The following CABIN1 variants were observed in gnomAD, a reference collection of about 807,000 sequenced individuals.
CABIN1 encodes the protein calcineurin-binding protein cabin-1.
In CABIN1, 133 loss-of-function variants were observed where a neutral mutation model predicts 227.7. The ratio of observed to expected loss-of-function variants is 0.58; its 90% CI spans 0.51 to 0.67. The LOEUF (loss-of-function observed/expected upper bound fraction) is 0.67, where lower values mean the gene tolerates loss of function less well. Ranked by LOEUF, CABIN1 falls within the 30% of genes least tolerant of loss-of-function variation. The pLI is 0.00. For missense variants in CABIN1, 2,408 were observed against 2,852.5 expected, an observed-to-expected ratio of 0.84 and a Z score of 3.55; for synonymous variants, 1,086 against 1,155.1, an observed-to-expected ratio of 0.94 and a Z score of 1.21.
chr22:24,035,545 TG>T (rs1435545121), intron 2 of CABIN1, 25 bp downstream of exon 2: 1 of 1,614,008 alleles, frequency 6.2e-7, no homozygotes, highest in Non-Finnish European at 8.5e-7. Flanking sequence ...CTGCCTATTT[TG>T]CGGACCTCAG....
At chr22:24,102,684 G>A (rs867559425) in intron 26 of CABIN1, among the ~76,000 whole-genome samples, 2 of 152,146 alleles carry the variant, frequency 1.3e-5, no homozygotes, top group Non-Finnish European at 1.5e-5. Context: ...GGGGTGTGTC[G>A]GTGTTTCTCT....
intron 33 of CABIN1, among the ~76,000 whole-genome samples, chr22:24,169,582 C>A (rs1006741906): frequency 4.6e-5 from 7 of 152,216 alleles, no homozygotes; most frequent in African/African-American, 1.7e-4. Context: ...GCCCCAACCC[C>A]CAGCAGTCCC....
At chr22:24,040,647 A>C (rs2037292539) in intron 4 of CABIN1, among the ~76,000 whole-genome samples, 1 of 152,236 alleles carries the variant, frequency 6.6e-6, no homozygotes, top group Admixed American at 6.5e-5. Flanking sequence ...TCAGACACTA[A>C]CGTTTTAGTT....
chr22:24,102,587 G>A (rs1242195224), intron 26 of CABIN1, among the ~76,000 whole-genome samples: 1 of 152,200 alleles, frequency 6.6e-6, no homozygotes. Context: ...GCACCAGAGA[G>A]GTGGGGTTTG....
At chr22:24,048,971 CATT>C in intron 6 of CABIN1, 117 bp from the exon 7 acceptor site, 2 of 1,172,482 alleles carry the variant, frequency 1.7e-6, no homozygotes, top group Non-Finnish European at 2.5e-6. Flanking sequence ...AGTGGTATCT[CATT>C]ATTTTTTACC....
At position 24,171,972 on chromosome 22, in the gene CABIN1, C is replaced by T. The variant is rs200720834; in HGVS notation, c.6017C>T (p.Pro2006Leu). ...PPRPHRPEAT[P>L]SMASLGPEGE... The stretch of plus-strand genomic sequence containing the variant: ...CGGCCACACAGGCCTGAAGCTACCC[C>T]CAGCATGGCCTCTCTGGGCCCAGGT... The change falls in exon 34 of 37, where the codon CCC becomes CTC. Residue 2006 changes from proline to leucine, a missense_variant. Coordinates refer to ENST00000263119, the MANE Select transcript of CABIN1 (RefSeq NM_012295.4). 3 of 1,612,652 alleles carry T rather than the reference C, an allele frequency of 1.9e-6. No individual in the cohort carries two copies. Among genetic ancestry groups the T allele is most frequent in the East Asian group, 2.2e-5 (1 of 44,862 alleles).
chr22:24,147,331 TCCTCCCTCCCTC>T (rs1322089105), intron 29 of CABIN1, among the ~76,000 whole-genome samples: 1 of 58,600 alleles, frequency 1.7e-5, no homozygotes, highest in Admixed American at 1.8e-4. Flanking sequence ...CTCCCTCCTC[TCCTCCCTCCCTC>T]CCTGCCTCCC....
Position 24,165,570 on chromosome 22 carries a change from C to T in CABIN1, c.4951C>T (p.Arg1651Trp), listed in dbSNP as rs780830283. Reference sequence around the variant, plus strand: ...TGCTGACCGCCAGGTCCTGGCGCAGCGGGCCTTCATCCTCACTGTGAAGGT... The same window carrying T: ...TGCTGACCGCCAGGTCCTGGCGCAGTGGGCCTTCATCCTCACTGTGAAGGT... ...RDADRQVLAQ[R>W]AFILTVKVLE... The change falls in exon 31 of 37, where the codon CGG becomes TGG. Residue 1651 changes from arginine (R) to tryptophan (W), a missense_variant. By Grantham distance (101) the Arg-to-Trp change is moderately radical. Transcript: ENST00000263119. The T allele has an allele frequency of 2.5e-6, 4 of 1,613,164 alleles. No homozygotes were observed. The highest frequency in any genetic ancestry group is 1.7e-5 in the Admixed American group (1 of 60,006).
Position 24,168,468 on chromosome 22 carries a change from GAGC to G in CABIN1, c.5707_5709del (p.Gln1903del). ...TAAGGTGGATGAGGAGGCTGCGCTG[GAGC>G]AGGCTGTGAAGTTCTGCCAGGTCCA... On this transcript the variant is annotated inframe_deletion, in exon 33 of 37. Coordinates refer to ENST00000263119, the MANE Select transcript of CABIN1 (RefSeq NM_012295.4). 6.4e-7 allele frequency: 1 copy of G among 1,572,194 alleles called. No homozygotes were observed. The highest frequency in any genetic ancestry group is 1.7e-4 in the Middle Eastern group (1 of 5,978).
intron 28 of CABIN1, among the ~76,000 whole-genome samples, chr22:24,124,192 T>G (rs1225621595): frequency 6.6e-6 from 1 of 152,236 alleles, no homozygotes; most frequent in African/African-American, 2.4e-5. Flanking sequence ...GATAGTGATA[T>G]GAAAGCAGAA....
intron 1 of CABIN1, among the ~76,000 whole-genome samples, chr22:24,029,008 T>A (rs2036299264): frequency 6.6e-6 from 1 of 152,128 alleles, no homozygotes; most frequent in Non-Finnish European, 1.5e-5. Flanking sequence ...TTTTTAGTTT[T>A]AAAAAGATGT....
At chr22:24,131,020 G>A (rs911112645) in intron 28 of CABIN1, among the ~76,000 whole-genome samples, 1 of 152,198 alleles carries the variant, frequency 6.6e-6, no homozygotes, top group Non-Finnish European at 1.5e-5. Context: ...AAACAAACCA[G>A]AGAGGAATGT....
chr22:24,140,785 A>G (rs1385175364), intron 29 of CABIN1, among the ~76,000 whole-genome samples: 1 of 152,192 alleles, frequency 6.6e-6, no homozygotes, highest in Non-Finnish European at 1.5e-5. Flanking sequence ...TGGGGCAGGC[A>G]GCAATGGTGG....
At chr22:24,156,884 T>G (rs1480475657) in intron 29 of CABIN1, among the ~76,000 whole-genome samples, 2 of 152,126 alleles carry the variant, frequency 1.3e-5, no homozygotes, top group African/African-American at 2.4e-5. Context: ...AGCCCGGCAG[T>G]TCTGGGGACC....
chr22:24,087,697 C>T lies in CABIN1; in HGVS notation c.3509C>T (p.Pro1170Leu). 3 of 1,613,966 alleles carry T rather than the reference C, an allele frequency of 1.9e-6. No individual in the cohort carries two copies. The highest frequency in any genetic ancestry group is 1.3e-5 in the African/African-American group (1 of 75,064). ...QLKQWRGELP[P>L]ELVQQMEGRR... Reference sequence around the variant, plus strand: ...AAGCAGTGGAGAGGCGAGCTGCCCCCTGAGCTCGTGCAGCAGGTGAGGAGG... The same window carrying T: ...AAGCAGTGGAGAGGCGAGCTGCCCCTTGAGCTCGTGCAGCAGGTGAGGAGG... Residue 1170 changes from proline (P) to leucine (L), a missense_variant, in exon 23 of 37, where the codon CCT becomes CTT. Around this residue, in one of 3 missense-constraint regions of CABIN1, gnomAD observed 649 missense variants for 910.3 expected, o/e 0.71. Transcript: ENST00000263119.
rs145864566 is a variant in CABIN1, at chr22:24,136,524, A to ATTTTTTTTTTTTTTTTTTTTTTTTTTT, written c.4746+2133_4746+2134insTTTTTTTTTTTTTTTTTTTTTTTTTTT. On this transcript the variant is annotated intron_variant, in intron 29 of 36. Coordinates refer to ENST00000263119, the MANE Select transcript of CABIN1 (RefSeq NM_012295.4). The stretch of plus-strand genomic sequence containing the variant: ...ACTGCCACGCCCAGCTAATTTTTGT[A>ATTTTTTTTTTTTTTTTTTTTTTTTTTT]TTTTTTTTTTTTTTTTTTTTTTTTA... Among the ~76,000 whole-genome samples the ATTTTTTTTTTTTTTTTTTTTTTTTTTT allele has an allele frequency of 5.7e-5, 4 of 69,878 alleles. 1 individual carries two copies. Among genetic ancestry groups the ATTTTTTTTTTTTTTTTTTTTTTTTTTT allele is most frequent in the South Asian group, 4.9e-4 (1 of 2,026 alleles). 45.8% of individuals were successfully genotyped at this position (69,878 alleles called of 152,430 possible). A position where few individuals can be genotyped will look rare whatever the true frequency, so the allele number is the denominator to read the frequency against.
chr22:24,074,101 A>G (rs1234184597), intron 18 of CABIN1, among the ~76,000 whole-genome samples: 2 of 152,128 alleles, frequency 1.3e-5, no homozygotes, highest in African/African-American at 4.8e-5. Context: ...TTGTTCTCCA[A>G]AAGGATTTTA....
chr22:24,176,661 G>A (rs2047128378), intron 35 of CABIN1, among the ~76,000 whole-genome samples: 1 of 152,182 alleles, frequency 6.6e-6, no homozygotes, highest in African/African-American at 2.4e-5. Context: ...ACAGACACTT[G>A]AGGGACATCA....
chr22:24,019,650 CTTTTTTTTTTTTTTT>C (rs34361694), intron 1 of CABIN1, among the ~76,000 whole-genome samples: 5 of 87,034 alleles, frequency 5.7e-5, no homozygotes, highest in African/African-American at 2.6e-4. Flanking sequence ...TTTCTTTACC[CTTTTTTTTTTTTTTT>C]TTTTTTTTTG....
Sources: gnomAD v4.1 joint callset for allele counts (sites outside exome capture counted in the v4.1 genomes callset) on GRCh38, gnomAD v4.1.1 for gene constraint, gnomAD v4.1.1 regional missense constraint, MANE v1.5 for transcripts, NCBI Gene and HGNC (gene_info 2026-07-23, HGNC 2026-07-21) for gene names.